Variants in CNTNAP5 observed in about 807,000 individuals in gnomAD.
CNTNAP5 encodes contactin associated protein family member 5.
Under a neutral mutation model 150.2 loss-of-function variants are expected in CNTNAP5, and 72 were observed. The ratio of observed to expected loss-of-function variants is 0.48; its 90% confidence interval spans 0.40 to 0.58. The LOEUF is 0.58. Ranked by LOEUF, CNTNAP5 falls within the 20% of genes least tolerant of loss-of-function variation. The probability of loss-of-function intolerance (pLI) is 0.00; values close to 1 mark genes in which losing one functional copy is unlikely to be tolerated. For missense variants in CNTNAP5, 1,636 were observed against 1,626.2 expected (o/e 1.01, Z -0.10); for synonymous variants, 672 against 619.8 (o/e 1.08, Z -1.25).
chr2:124,177,022 A>T (rs1039494407), intron 1 of CNTNAP5, among the ~76,000 whole-genome samples: 2 of 150,584 alleles, frequency 1.3e-5, no homozygotes, highest in Admixed American at 6.6e-5. Context: ...ATTTTTTTTT[A>T]TTTCTAGTAG....
chr2:124,478,916 C>T (rs1211474732), intron 7 of CNTNAP5, among the ~76,000 whole-genome samples: 1 of 152,150 alleles, frequency 6.6e-6, no homozygotes, highest in African/African-American at 2.4e-5. Context: ...TAACGTATGC[C>T]TCTTTAGCAG....
intron 12 of CNTNAP5, among the ~76,000 whole-genome samples, chr2:124,623,717 C>G (rs1677664854): frequency 6.6e-6 from 1 of 152,190 alleles, no homozygotes. Context: ...CATCCACTGT[C>G]TTTAGGGACA....
At chr2:124,906,943 A>G (rs1259733388) in intron 22 of CNTNAP5, among the ~76,000 whole-genome samples, 6 of 152,128 alleles carry the variant, frequency 3.9e-5, no homozygotes, top group Non-Finnish European at 8.8e-5. Flanking sequence ...GGAGATAACA[A>G]AAAATAAGAA....
chr2:124,395,818 A>G (rs1382680210), intron 3 of CNTNAP5, among the ~76,000 whole-genome samples: 1 of 152,094 alleles, frequency 6.6e-6, no homozygotes, highest in Non-Finnish European at 1.5e-5. Context: ...CACACTCACC[A>G]TCCTCTTGAG....
At chr2:124,833,273 G>T (rs1682757822) in intron 19 of CNTNAP5, among the ~76,000 whole-genome samples, 1 of 152,126 alleles carries the variant, frequency 6.6e-6, no homozygotes, top group Non-Finnish European at 1.5e-5. Context: ...GTCAAGGAGT[G>T]TAAATAACTA....
At chr2:124,790,175 G>A in intron 18 of CNTNAP5, 34 bp downstream of exon 18, 1 of 1,572,326 alleles carries the variant, frequency 6.4e-7, no homozygotes, top group Non-Finnish European at 8.6e-7. Context: ...CCTGAGTGCA[G>A]TGCTGTATCA....
Position 124,319,624 on chromosome 2 carries a change from C to T in CNTNAP5, c.381+77231C>T, listed in dbSNP as rs892475118. 7.9e-5 allele frequency among the ~76,000 whole-genome samples: 12 copies of T among 152,256 alleles called. No homozygotes were observed. The East Asian group carries it at 2.1e-3, about 27-fold the overall frequency. On this transcript the variant is annotated intron_variant, in intron 3 of 23. Coordinates refer to ENST00000682447, the MANE Select transcript of CNTNAP5 (RefSeq NM_001367498.1). The stretch of plus-strand genomic sequence containing the variant: ...TTTCCACATTACTCATCTCCATTCT[C>T]GAGGTCAGGGTTTCTCAGCCTCAGC...
intron 1 of CNTNAP5, among the ~76,000 whole-genome samples, chr2:124,166,507 C>A (rs1288837287): frequency 1.3e-5 from 2 of 152,134 alleles, no homozygotes; most frequent in Admixed American, 6.6e-5. Context: ...CTAGTTGATA[C>A]TAAAACCTTC....
intron 1 of CNTNAP5, among the ~76,000 whole-genome samples, chr2:124,028,787 C>T (rs1384772522): frequency 8.6e-5 from 13 of 152,044 alleles, no homozygotes; most frequent in Admixed American, 7.2e-4. Flanking sequence ...CGTTCAAATA[C>T]CTATTATGTT....
intron 16 of CNTNAP5, among the ~76,000 whole-genome samples, chr2:124,767,931 C>A (rs778679997): frequency 6.6e-6 from 1 of 152,188 alleles, no homozygotes; most frequent in African/African-American, 2.4e-5. Flanking sequence ...TGCTTTCCAG[C>A]CTTACGAGCA....
intron 1 of CNTNAP5, among the ~76,000 whole-genome samples, chr2:124,145,894 T>C (rs1357441088): frequency 2.7e-5 from 4 of 148,828 alleles, no homozygotes; most frequent in African/African-American, 7.5e-5. Flanking sequence ...ATGGGAAGGA[T>C]TGAAATGTGA....
intron 17 of CNTNAP5, among the ~76,000 whole-genome samples, chr2:124,777,867 A>G (rs1285204097): frequency 1.3e-5 from 2 of 150,514 alleles, no homozygotes; most frequent in African/African-American, 4.9e-5. Context: ...GCAGCATGGT[A>G]TCATCTTCTC....
At chr2:124,036,835 G>T (rs753276553) in intron 1 of CNTNAP5, among the ~76,000 whole-genome samples, 1 of 152,172 alleles carries the variant, frequency 6.6e-6, no homozygotes. Flanking sequence ...ATTTACCCAA[G>T]ATTATATAGC....
intron 3 of CNTNAP5, among the ~76,000 whole-genome samples, chr2:124,324,840 T>C (rs375544359): frequency 2.0e-4 from 31 of 152,290 alleles, no homozygotes; most frequent in African/African-American, 7.2e-4. Flanking sequence ...AAGACAAGCT[T>C]TCATGAATCT....
At chr2:124,789,362 G>A (rs1681668472) in intron 17 of CNTNAP5, among the ~76,000 whole-genome samples, 1 of 152,144 alleles carries the variant, frequency 6.6e-6, no homozygotes, top group African/African-American at 2.4e-5. Context: ...AGAGCTTGAG[G>A]GAGGGGGTTC....
rs577160694 is a variant in CNTNAP5 at position 124,308,842 on chromosome 2, CT to C, written c.381+66450del. Among the ~76,000 whole-genome samples, 420 of 152,306 alleles carry C rather than the reference CT, an allele frequency of 2.8e-3. 2 individuals are homozygous for C. Among genetic ancestry groups the C allele is most frequent in the Non-Finnish European group, 4.4e-3 (297 of 68,022 alleles). On this transcript the variant is annotated intron_variant, in intron 3 of 23. Coordinates refer to ENST00000682447, the MANE Select transcript of CNTNAP5 (RefSeq NM_001367498.1). ...AAGCTTTGGGAAGTAGTAAAAGAAT[CT>C]GTGTCTGTGAACCAGAGTGCACTGG...
At chr2:124,560,611 G>T (rs1417184586) in intron 10 of CNTNAP5, among the ~76,000 whole-genome samples, 1 of 135,728 alleles carries the variant, frequency 7.4e-6, no homozygotes, top group African/African-American at 2.6e-5. Flanking sequence ...TTAAAATTCT[G>T]TTAGTTGAAT....
chr2:124,710,115 AGAT>A, intron 13 of CNTNAP5, among the ~76,000 whole-genome samples: 1 of 96,494 alleles, frequency 1.0e-5, no homozygotes, highest in East Asian at 3.4e-4. Context: ...GTTTATGCCG[AGAT>A]GATGGTGAGC....
intron 1 of CNTNAP5, among the ~76,000 whole-genome samples, chr2:124,213,535 G>T (rs1686075534): frequency 1.3e-5 from 2 of 152,270 alleles, no homozygotes; most frequent in Admixed American, 1.3e-4. Flanking sequence ...GGCAAAAAAA[G>T]AAATCTGTCC....
Sources: allele counts gnomAD v4.1 joint callset (sites outside exome capture counted in the v4.1 genomes callset), GRCh38; gene constraint gnomAD v4.1.1; transcripts MANE v1.5; gene names NCBI Gene and HGNC (gene_info 2026-07-23, HGNC 2026-07-21).